Variants in IFFO2 observed in about 807,000 individuals in gnomAD.
IFFO2 encodes intermediate filament family orphan 2.
Under a neutral mutation model 53.5 loss-of-function variants are expected in IFFO2, and 19 were observed. That is an observed-to-expected ratio of 0.36 (90% CI 0.25 to 0.52). The LOEUF is 0.52. IFFO2 is among the 20% of genes least tolerant of loss of function. The pLI is 0.94. For missense variants in IFFO2, 570 were observed against 727.4 expected (o/e 0.78, Z 2.49); for synonymous variants, 303 against 313.6 (o/e 0.97, Z 0.36).
Position 18,911,402 on chromosome 1 carries a change from T to C in IFFO2, c.1299A>G (p.Glu433=), listed in dbSNP as rs1936035569. 2 of 1,520,774 alleles carry C rather than the reference T, an allele frequency of 1.3e-6. No individual in the cohort carries two copies. The highest frequency in any genetic ancestry group is 2.2e-5 in the Admixed American group (1 of 45,586). 94.2% of individuals were successfully genotyped at this position (1,520,774 alleles called of 1,614,324 possible). Residue 433 remains glutamate (E), a synonymous_variant, in exon 7 of 9, where the codon GAA becomes GAG. Transcript: ENST00000455833. ...FFKTRDKEYQ[E]TIGQIELELA... ...CCCTCACCTCGATCTGACCTATCGT[T>C]TCCTGGTACTCCTTGTCTCTCGTCT...
At chr1:18,912,876 G>C (rs780278939) in intron 5 of IFFO2, among the ~76,000 whole-genome samples, 1 of 152,194 alleles carries the variant, frequency 6.6e-6, no homozygotes, top group Non-Finnish European at 1.5e-5. Context: ...GAAGTAGGTT[G>C]ACCAACCAGG....
At chr1:18,923,521 G>A (rs1193891824) in intron 1 of IFFO2, among the ~76,000 whole-genome samples, 3 of 152,116 alleles carry the variant, frequency 2.0e-5, no homozygotes, top group Admixed American at 6.5e-5. Context: ...CCACACACCC[G>A]GCTCACTGCC....
intron 1 of IFFO2, among the ~76,000 whole-genome samples, chr1:18,943,868 G>A (rs532664822): frequency 3.3e-5 from 5 of 152,342 alleles, no homozygotes; most frequent in African/African-American, 1.2e-4. Context: ...GTCTGGTCAA[G>A]GAGCAGGGCC....
rs1347475559 is a variant in IFFO2 at position 18,947,885 on chromosome 1, C to T, written c.665+7783G>A. Among the ~76,000 whole-genome samples the T allele has an allele frequency of 6.6e-6, 1 of 152,276 alleles. No individual in the cohort carries two copies. The highest frequency in any genetic ancestry group is 2.4e-5 in the African/African-American group (1 of 41,474). ...GACAGGTGCTGGGGAGACCCCGTGCCTCCTGCCTGCCTCCTCACCCTGAGC... is the reference window on the plus strand; with the variant it reads ...GACAGGTGCTGGGGAGACCCCGTGCTTCCTGCCTGCCTCCTCACCCTGAGC... On this transcript the variant is annotated intron_variant, in intron 1 of 8. Transcript: ENST00000455833. This position sits in a 1 kb window ranked among gnomAD's most constrained non-coding sequence, Gnocchi z 5.0.
At chr1:18,930,934 G>A (rs575472790) in intron 1 of IFFO2, among the ~76,000 whole-genome samples, 3 of 152,320 alleles carry the variant, frequency 2.0e-5, no homozygotes, top group South Asian at 2.1e-4. Flanking sequence ...ACTTTGGGAG[G>A]CTGAGGCAGG....
intron 1 of IFFO2, among the ~76,000 whole-genome samples, chr1:18,926,230 G>A (rs1936295464): frequency 6.6e-6 from 1 of 152,186 alleles, no homozygotes; most frequent in Non-Finnish European, 1.5e-5. Context: ...AGCATCCTTA[G>A]ACTGAACATC....
At chr1:18,955,633 C>A (rs368009393) in intron 1 of IFFO2, 35 bp downstream of exon 1, 13 of 1,530,860 alleles carry the variant, frequency 8.5e-6, no homozygotes, top group African/African-American at 1.4e-5. Context: ...CTGGGCGCCC[C>A]GTCCCAGGGC....
intron 8 of IFFO2, among the ~76,000 whole-genome samples, 182 bp downstream of exon 8, chr1:18,910,160 T>C (rs1936012487): frequency 6.6e-6 from 1 of 152,018 alleles, no homozygotes; most frequent in Non-Finnish European, 1.5e-5. Context: ...ATGTAAGGCA[T>C]CTGGCACATA....
intron 1 of IFFO2, among the ~76,000 whole-genome samples, chr1:18,945,528 T>C (rs1277909364): frequency 6.6e-6 from 1 of 152,172 alleles, no homozygotes; most frequent in African/African-American, 2.4e-5. Context: ...GTAATAAAGA[T>C]AGCCAATTAA....
In IFFO2 at chr1:18,918,200, C is replaced by A. The variant is rs991030655; in HGVS notation, c.963+162G>T. ...ATGAGTCCACGGGTGCCTGATTCTA[C>A]GTTTTCCTGGGGAGGCCACAGGGTC... On this transcript the variant is annotated intron_variant, in intron 4 of 8. Transcript: ENST00000455833. The surrounding 1 kb of genome is among the most constrained non-coding windows in gnomAD (Gnocchi z 5.2). Among the ~76,000 whole-genome samples the A allele has an allele frequency of 6.6e-6, 1 of 152,098 alleles. No individual in the cohort carries two copies. The highest frequency in any genetic ancestry group is 1.5e-5 in the Non-Finnish European group (1 of 68,022).
intron 1 of IFFO2, among the ~76,000 whole-genome samples, chr1:18,952,275 CGTGGTAAAGACCTG>C (rs1306954570): frequency 6.6e-6 from 1 of 152,196 alleles, no homozygotes; most frequent in Admixed American, 6.5e-5. Flanking sequence ...ACATTTCCCA[CGTGGTAAAGACCTG>C]GTTGGGCCAA....
At chr1:18,942,289 T>C (rs1936531189) in intron 1 of IFFO2, among the ~76,000 whole-genome samples, 1 of 152,090 alleles carries the variant, frequency 6.6e-6, no homozygotes, top group Admixed American at 6.5e-5. Context: ...GATCCTTCAT[T>C]CCCCCACAAA....
At chr1:18,913,983 C>T (rs939559101) in intron 5 of IFFO2, among the ~76,000 whole-genome samples, 53 of 151,052 alleles carry the variant, frequency 3.5e-4, no homozygotes, top group African/African-American at 1.2e-3. Flanking sequence ...AGGCGCCCGC[C>T]ACCACGCCCG....
intron 7 of IFFO2, 94 bp downstream of exon 7, chr1:18,911,290 C>T: frequency 1.7e-6 from 1 of 580,162 alleles, no homozygotes; most frequent in Admixed American, 4.0e-5. Context: ...CTACCAGCCC[C>T]TGCCCATGAC....
rs535875454 is a variant in IFFO2, at chr1:18,927,315, G to A, written c.666-6194C>T. 2.0e-5 allele frequency among the ~76,000 whole-genome samples: 3 copies of A among 152,350 alleles called. No homozygotes were observed. In the East Asian group the frequency reaches 5.8e-4, roughly 30 times the overall value. ...GCCTAGGCCGACTCACTCAGGTGAA[G>A]GGAAATGAGCTCAGGTGAGGCTGGG... On this transcript the variant is annotated intron_variant, in intron 1 of 8. Transcript: ENST00000455833.
intron 1 of IFFO2, among the ~76,000 whole-genome samples, chr1:18,953,501 A>G (rs1188672374): frequency 6.6e-6 from 1 of 152,140 alleles, no homozygotes; most frequent in African/African-American, 2.4e-5. Flanking sequence ...CATTTTTATT[A>G]GATATTCAAG....
intron 1 of IFFO2, among the ~76,000 whole-genome samples, chr1:18,943,743 C>T (rs1468146369): frequency 6.6e-6 from 1 of 152,216 alleles, no homozygotes; most frequent in Non-Finnish European, 1.5e-5. Context: ...ACCTCAAAAC[C>T]AGGCCAGAGG....
At chr1:18,945,627 CG>C (rs1365369321) in intron 1 of IFFO2, among the ~76,000 whole-genome samples, 2 of 152,234 alleles carry the variant, frequency 1.3e-5, no homozygotes, top group African/African-American at 4.8e-5. Context: ...ATCCCAGAGT[CG>C]GAGCACGCAG....
chr1:18,919,613 T>C lies in IFFO2; in HGVS notation c.822+65A>G, dbSNP rs1936187883. 9.3e-7 allele frequency: 1 copy of C among 1,080,550 alleles called. No homozygotes were observed. Among genetic ancestry groups the C allele is most frequent in the East Asian group, 2.6e-5 (1 of 38,554 alleles). The allele number at this position is 1,080,550 out of a possible 1,614,324, so 66.9% of individuals were successfully genotyped here. Reference sequence around the variant, plus strand: ...CCGAGCCCCGGAGCCTCGGAGGGAATGAAGCATTTTGCATGATGGGTGTGG... The same window carrying C: ...CCGAGCCCCGGAGCCTCGGAGGGAACGAAGCATTTTGCATGATGGGTGTGG... On this transcript the variant is annotated intron_variant, in intron 3 of 8. Coordinates refer to ENST00000455833, the MANE Select transcript of IFFO2 (RefSeq NM_001136265.2). This position sits in a 1 kb window ranked among gnomAD's most constrained non-coding sequence, Gnocchi z 4.9.
Sources: gnomAD v4.1 joint callset for allele counts (sites outside exome capture counted in the v4.1 genomes callset) on GRCh38, gnomAD v4.1.1 for gene constraint, Gnocchi (gnomAD v3.1) non-coding constraint, MANE v1.5 for transcripts, NCBI Gene and HGNC (gene_info 2026-07-23, HGNC 2026-07-21) for gene names.